Variants in POLR3B observed in about 807,000 individuals in gnomAD.
POLR3B encodes the protein DNA-directed RNA polymerase III subunit RPC2.
A neutral mutation model predicts 147.4 loss-of-function variants in POLR3B; 96 were observed. The observed-to-expected ratio is 0.65, with a 90% CI of 0.55 to 0.77. The LOEUF (loss-of-function observed/expected upper bound fraction) is 0.77. Among genes scored for constraint, POLR3B ranks in the 30% least tolerant of loss-of-function variants. The pLI, the probability that POLR3B is intolerant of heterozygous loss-of-function variation, is 0.00. For synonymous variants in POLR3B, 461 were observed against 485.9 expected (o/e 0.95, Z 0.67); for missense variants, 1,036 against 1,413.5 (o/e 0.73, Z 4.28).
At chr12:106,393,489 TTTTGTGTGTGTGTG>T (rs1565882268) in intron 10 of POLR3B, among the ~76,000 whole-genome samples, 1 of 117,710 alleles carries the variant, frequency 8.5e-6, no homozygotes, top group African/African-American at 3.2e-5. Flanking sequence ...CGTGTACAGG[TTTTGTGTGTGTGTG>T]TGTGTGTGTG....
chr12:106,466,868 T>A (rs898350742), intron 23 of POLR3B, among the ~76,000 whole-genome samples: 4 of 152,172 alleles, frequency 2.6e-5, no homozygotes, highest in Non-Finnish European at 5.9e-5. Flanking sequence ...TGTAGTATAG[T>A]TTGAAGTCAG....
At chr12:106,477,702 A>G (rs926383697) in intron 23 of POLR3B, among the ~76,000 whole-genome samples, 8 of 151,958 alleles carry the variant, frequency 5.3e-5, no homozygotes, top group Admixed American at 5.2e-4. Context: ...AGGTGAGGCA[A>G]TGCCTCACCC....
chr12:106,385,713 A>G (rs2036826874), intron 9 of POLR3B, among the ~76,000 whole-genome samples: 1 of 152,224 alleles, frequency 6.6e-6, no homozygotes. Flanking sequence ...TTGAATGGAC[A>G]TTGACAAGTC....
chr12:106,376,106 A>G (rs1348761724), intron 6 of POLR3B, among the ~76,000 whole-genome samples: 2 of 152,348 alleles, frequency 1.3e-5, no homozygotes, highest in East Asian at 3.9e-4. Flanking sequence ...TTGGCCTCCC[A>G]AAGTGCTGGG....
intron 24 of POLR3B, chr12:106,496,361 A>G (rs1384695195): frequency 6.0e-6 from 4 of 666,162 alleles, no homozygotes; most frequent in Non-Finnish European, 2.7e-6. Context: ...GAGCACATCT[A>G]TACCTCCCTT....
chr12:106,482,134 C>T (rs2038275921), intron 23 of POLR3B, among the ~76,000 whole-genome samples: 1 of 152,342 alleles, frequency 6.6e-6, no homozygotes, highest in Admixed American at 6.5e-5. Context: ...CTAAGGTCTA[C>T]AACTTTGGTC....
At chr12:106,422,739 G>GTATT (rs2037388225) in intron 12 of POLR3B, among the ~76,000 whole-genome samples, 1 of 152,102 alleles carries the variant, frequency 6.6e-6, no homozygotes, top group African/African-American at 2.4e-5. Context: ...GCTTGTCTAT[G>GTATT]TATTCATTAG....
At chr12:106,391,116 C>G (rs959777047) in intron 9 of POLR3B, among the ~76,000 whole-genome samples, 1 of 152,188 alleles carries the variant, frequency 6.6e-6, no homozygotes, top group Non-Finnish European at 1.5e-5. Flanking sequence ...ACTGAAGCAG[C>G]CTGGAGAATC....
At position 106,380,096 on chromosome 12, in the gene POLR3B, A is replaced by G; in HGVS notation, c.680A>G (p.His227Arg). The G allele has an allele frequency of 2.5e-6, 4 of 1,612,518 alleles. No individual in the cohort carries two copies. The highest frequency in any genetic ancestry group is 3.4e-6 in the Non-Finnish European group (4 of 1,178,720). The change falls in exon 9 of 28, where the codon CAT becomes CGT. Residue 227 changes from histidine (H) to arginine (R), a missense_variant. Around this residue, in one of 12 missense-constraint regions of POLR3B, gnomAD observed 217 missense variants for 288.7 expected, o/e 0.75. Transcript: ENST00000228347. ...AVKQGRFYLR[H>R]NTLSEDIPIV... Reference sequence around the variant, plus strand: ...AAACAAGGACGATTTTATTTGAGGCATAATACTTTGTCAGAAGATATACCC... The same window carrying G: ...AAACAAGGACGATTTTATTTGAGGCGTAATACTTTGTCAGAAGATATACCC...
rs1593045135 is a variant in POLR3B at position 106,444,586 on chromosome 12, C to T, written c.2079C>T (p.Ala693=). 6.2e-7 allele frequency: 1 copy of T among 1,613,722 alleles called. No homozygotes were observed. The highest frequency in any genetic ancestry group is 2.2e-5 in the East Asian group (1 of 44,834). The change falls in exon 19 of 28, where the codon GCC becomes GCT. Residue 693 remains alanine (A), a synonymous_variant. Transcript: ENST00000228347. ...ATCAGTGTGCCATGGGGAAACAAGC[C>T]ATGGGTAAGATTTCCTTCTTGAAAG... The part of the protein sequence containing the change: ...NTYQCAMGKQ[A]MGTIGYNQRN...
intron 19 of POLR3B, among the ~76,000 whole-genome samples, chr12:106,452,500 T>C (rs1336288654): frequency 6.6e-6 from 1 of 152,216 alleles, no homozygotes; most frequent in Admixed American, 6.5e-5. Flanking sequence ...ATAATGCGTG[T>C]CTCAGGTTTC....
chr12:106,464,964 A>G (rs1002771930), intron 23 of POLR3B, among the ~76,000 whole-genome samples: 2 of 152,206 alleles, frequency 1.3e-5, no homozygotes, highest in Non-Finnish European at 2.9e-5. Flanking sequence ...TATTTTTAAG[A>G]AATGATTGGT....
At chr12:106,484,212 G>A (rs2038307363) in intron 23 of POLR3B, among the ~76,000 whole-genome samples, 1 of 152,170 alleles carries the variant, frequency 6.6e-6, no homozygotes, top group African/African-American at 2.4e-5. Flanking sequence ...AATAAAGACA[G>A]CATAAAGAAG....
intron 25 of POLR3B, 150 bp from the exon 26 acceptor site, chr12:106,501,173 C>T (rs2137084240): frequency 1.5e-6 from 1 of 667,700 alleles, no homozygotes; most frequent in Non-Finnish European, 2.7e-6. Flanking sequence ...CATATTTTTA[C>T]AACTAGTCTT....
intron 10 of POLR3B, among the ~76,000 whole-genome samples, chr12:106,400,453 C>A (rs573962752): frequency 6.6e-6 from 1 of 152,188 alleles, no homozygotes; most frequent in African/African-American, 2.4e-5. Context: ...AGGAATTGAA[C>A]TCGACTCTGC....
At chr12:106,387,755 T>C (rs1342633722) in intron 9 of POLR3B, among the ~76,000 whole-genome samples, 1 of 152,224 alleles carries the variant, frequency 6.6e-6, no homozygotes, top group Non-Finnish European at 1.5e-5. Flanking sequence ...TTATTAGTTA[T>C]GTGACCTTGG....
intron 12 of POLR3B, among the ~76,000 whole-genome samples, chr12:106,416,829 G>A (rs900914778): frequency 5.9e-5 from 9 of 152,140 alleles, no homozygotes; most frequent in Admixed American, 5.9e-4. Flanking sequence ...CTCATCTCAT[G>A]CCAAAGTGAG....
At chr12:106,428,383 A>T (rs1038348744) in intron 13 of POLR3B, among the ~76,000 whole-genome samples, 6 of 152,214 alleles carry the variant, frequency 3.9e-5, no homozygotes, top group Non-Finnish European at 7.3e-5. Flanking sequence ...AGGCCTAGTT[A>T]CAGGTGTGCC....
chr12:106,496,039 ATCT>A lies in POLR3B; in HGVS notation c.2714-12_2714-10del. The A allele has an allele frequency of 2.7e-6, 4 of 1,509,070 alleles. No homozygotes were observed. Among genetic ancestry groups the A allele is most frequent in the South Asian group, 1.1e-5 (1 of 88,906 alleles). 93.5% of individuals were successfully genotyped at this position (1,509,070 alleles called of 1,614,324 possible). A position where few individuals can be genotyped will look rare whatever the true frequency, so the allele number is the denominator to read the frequency against. ...GCCAACTTGCTTTATGTGGCATGAA[ATCT>A]TCTCTCCCCCAGGTGTTTGTGGCTT... On this transcript the variant is annotated splice_polypyrimidine_tract_variant and intron_variant, in intron 23 of 27. Transcript: ENST00000228347.
Sources: gnomAD v4.1 joint callset for allele counts (sites outside exome capture counted in the v4.1 genomes callset) on GRCh38, gnomAD v4.1.1 for gene constraint, gnomAD v4.1.1 regional missense constraint, MANE v1.5 for transcripts, NCBI Gene and HGNC (gene_info 2026-07-23, HGNC 2026-07-21) for gene names.